TNRC6B: variants seen among roughly 807,000 people sequenced by gnomAD.
The protein encoded by TNRC6B is trinucleotide repeat containing adaptor 6B.
A neutral mutation model predicts 203.6 loss-of-function variants in TNRC6B; 52 were observed. That is an observed-to-expected ratio of 0.26 (90% confidence interval 0.20 to 0.32). The LOEUF is 0.32. Among genes scored for constraint, TNRC6B ranks in the 10% least tolerant of loss-of-function variants. TNRC6B has a pLI of 1.00. For synonymous variants in TNRC6B, 838 were observed against 845.7 expected (o/e 0.99, Z 0.16); for missense variants, 1,923 against 2,286.2 (o/e 0.84, Z 3.24).
chr22:40,181,803 G>A (rs1178955943), intron 1 of TNRC6B, among the ~76,000 whole-genome samples: 1 of 151,992 alleles, frequency 6.6e-6, no homozygotes, highest in Non-Finnish European at 1.5e-5. Flanking sequence ...AATTAGCTGG[G>A]CATGGTGGCT....
intron 4 of TNRC6B, among the ~76,000 whole-genome samples, chr22:40,164,701 G>A (rs2068902457): frequency 6.9e-6 from 1 of 145,606 alleles, no homozygotes; most frequent in East Asian, 2.1e-4. Context: ...GGCAGAGGTT[G>A]TGGTGAGCCG....
Position 40,270,159 on chromosome 22 carries a change from T to A in TNRC6B, c.2844T>A (p.Gly948=), listed in dbSNP as rs1374825826. The change falls in exon 6 of 23, where the codon GGT becomes GGA. Residue 948 remains glycine (G), a synonymous_variant. Coordinates refer to ENST00000454349, the MANE Select transcript of TNRC6B (RefSeq NM_001162501.2). ...SKSTPPAPDN[G]TSAWGEPNES... Reference sequence around the variant, plus strand: ...GCACACCACCTGCTCCAGATAATGGTACTTCCGCTTGGGGTGAGCCAAATG... The same window carrying A: ...GCACACCACCTGCTCCAGATAATGGAACTTCCGCTTGGGGTGAGCCAAATG... The A allele has an allele frequency of 1.3e-6, 2 of 1,586,388 alleles. No individual in the cohort carries two copies. The highest frequency in any genetic ancestry group is 1.7e-6 in the Non-Finnish European group (2 of 1,165,756).
chr22:40,207,395 A>G (rs1601883762), intron 1 of TNRC6B, among the ~76,000 whole-genome samples: 1 of 138,378 alleles, frequency 7.2e-6, no homozygotes, highest in African/African-American at 2.6e-5. Flanking sequence ...CGATGGAGTG[A>G]GACCCTGCCT....
At chr22:40,064,118 A>T (rs1290507067) in intron 1 of TNRC6B, among the ~76,000 whole-genome samples, 1 of 152,218 alleles carries the variant, frequency 6.6e-6, no homozygotes, top group Non-Finnish European at 1.5e-5. Context: ...AAACTTGCTG[A>T]ACTCATTTAT....
intron 6 of TNRC6B, among the ~76,000 whole-genome samples, chr22:40,270,565 G>C (rs928199735): frequency 6.6e-6 from 1 of 151,984 alleles, no homozygotes; most frequent in Non-Finnish European, 1.5e-5. Context: ...TGATCCACCC[G>C]CCTTGGCCTC....
chr22:40,239,898 C>T (rs890336293), intron 1 of TNRC6B, among the ~76,000 whole-genome samples: 5 of 151,894 alleles, frequency 3.3e-5, no homozygotes, highest in East Asian at 1.9e-4. Context: ...AGTGCAGTGG[C>T]GCGATCTCAG....
At chr22:40,319,840 C>T (rs2071312083) in intron 21 of TNRC6B, among the ~76,000 whole-genome samples, 1 of 152,154 alleles carries the variant, frequency 6.6e-6, no homozygotes, top group Non-Finnish European at 1.5e-5. Flanking sequence ...TGGTTTCAGG[C>T]CTCCACTGGG....
intron 12 of TNRC6B, among the ~76,000 whole-genome samples, chr22:40,288,390 G>A (rs1008005761): frequency 5.9e-5 from 9 of 152,170 alleles, no homozygotes. Flanking sequence ...TTTCAGCTGA[G>A]TAGTGATGTA....
chr22:40,288,816 C>T (rs1466501346), intron 12 of TNRC6B, among the ~76,000 whole-genome samples: 1 of 149,208 alleles, frequency 6.7e-6, no homozygotes, highest in Admixed American at 6.7e-5. Flanking sequence ...GCTGGGATTA[C>T]AGGCGTGAGC....
At chr22:40,278,126 G>A in intron 9 of TNRC6B, 82 bp downstream of exon 9, 1 of 1,053,144 alleles carries the variant, frequency 9.5e-7, no homozygotes, top group South Asian at 1.4e-5. Flanking sequence ...TTTGATTAGG[G>A]ATAGGTGCAG....
At chr22:40,263,852 C>A (rs866181498) in intron 4 of TNRC6B, among the ~76,000 whole-genome samples, 1 of 152,160 alleles carries the variant, frequency 6.6e-6, no homozygotes, top group Non-Finnish European at 1.5e-5. Flanking sequence ...ATGCTTACTC[C>A]GCAGCATTGT....
At chr22:40,287,534 C>A (rs868539756) in intron 12 of TNRC6B, among the ~76,000 whole-genome samples, 1 of 152,158 alleles carries the variant, frequency 6.6e-6, no homozygotes, top group East Asian at 1.9e-4. Flanking sequence ...GGCACCTCTC[C>A]TCTTCTTTCC....
intron 6 of TNRC6B, among the ~76,000 whole-genome samples, chr22:40,271,548 C>T (rs774471303): frequency 6.6e-6 from 1 of 152,066 alleles, no homozygotes. Flanking sequence ...TTGTTTTTAT[C>T]ATTATTTCTA....
At chr22:40,283,028 T>A (rs370014614) in intron 11 of TNRC6B, among the ~76,000 whole-genome samples, 50 of 151,336 alleles carry the variant, frequency 3.3e-4, no homozygotes, top group African/African-American at 5.9e-4. Context: ...ATTTTTTATT[T>A]TTTATTTATT....
chr22:40,275,439 G>T (rs750010807), intron 7 of TNRC6B, among the ~76,000 whole-genome samples: 1 of 151,880 alleles, frequency 6.6e-6, no homozygotes, highest in African/African-American at 2.4e-5. Flanking sequence ...ATATACCGAG[G>T]GCGTTTTTTT....
At chr22:40,078,935 G>C (rs934542188) in intron 1 of TNRC6B, among the ~76,000 whole-genome samples, 3 of 151,902 alleles carry the variant, frequency 2.0e-5, no homozygotes, top group Non-Finnish European at 2.9e-5. Flanking sequence ...TTAGCTGGGC[G>C]TGGTGGTGGG....
chr22:40,298,145 A>G (rs2070970762), intron 12 of TNRC6B, among the ~76,000 whole-genome samples: 1 of 151,978 alleles, frequency 6.6e-6, no homozygotes, highest in South Asian at 2.1e-4. Context: ...AATAAAAATA[A>G]AAATAAATTT....
chr22:40,249,327 CACTT>C, intron 2 of TNRC6B, among the ~76,000 whole-genome samples: 1 of 152,320 alleles, frequency 6.6e-6, no homozygotes, highest in South Asian at 2.1e-4. Flanking sequence ...GAAGAATTGA[CACTT>C]ACTTAAAGCT....
At chr22:40,260,808 A>T (rs2070369549) in intron 3 of TNRC6B, among the ~76,000 whole-genome samples, 1 of 152,162 alleles carries the variant, frequency 6.6e-6, no homozygotes, top group East Asian at 1.9e-4. Context: ...AATTAATGGA[A>T]TGTATTCCAT....
Sources: allele counts gnomAD v4.1 joint callset (sites outside exome capture counted in the v4.1 genomes callset), GRCh38; gene constraint gnomAD v4.1.1; transcripts MANE v1.5; gene names NCBI Gene and HGNC (gene_info 2026-07-23, HGNC 2026-07-21).